Variants in GPC6 observed in about 807,000 individuals in gnomAD.
GPC6 encodes the protein glypican 6, also known as glypican-6.
GPC6 carries 14 observed loss-of-function variants against 55.2 expected under a neutral mutation model. The observed-to-expected ratio is 0.25, with a 90% CI of 0.17 to 0.40. The LOEUF (loss-of-function observed/expected upper bound fraction) is 0.40, where lower values mean the gene tolerates loss of function less well. Ranked by LOEUF, GPC6 falls within the 10% of genes least tolerant of loss-of-function variation. The pLI, the probability that GPC6 is intolerant of heterozygous loss-of-function variation, is 1.00. For synonymous variants in GPC6, 278 were observed against 259.6 expected, an observed-to-expected ratio of 1.07 and a Z score of -0.68; for missense variants, 641 against 708.5, an observed-to-expected ratio of 0.90 and a Z score of 1.08.
intron 1 of GPC6, among the ~76,000 whole-genome samples, chr13:93,314,811 T>C (rs886313944): frequency 5.3e-5 from 8 of 151,910 alleles, no homozygotes; most frequent in African/African-American, 2.4e-5. Context: ...CAGTAAATCA[T>C]TTTATAGAAG....
intron 4 of GPC6, among the ~76,000 whole-genome samples, chr13:94,065,912 TACTC>T (rs1205177185): frequency 2.6e-5 from 4 of 152,194 alleles, no homozygotes; most frequent in African/African-American, 9.7e-5. Flanking sequence ...CAGCCTGAAT[TACTC>T]ACTCAAGTAA....
chr13:93,551,970 A>G lies in GPC6; in HGVS notation c.319+6549A>G, dbSNP rs192218891. On this transcript the variant is annotated intron_variant, in intron 2 of 8. Transcript: ENST00000377047. ...GATGTTATTAATGTTATACAGATAA[A>G]TAGATGTAATATTTCTGTGGATTGT... Among the ~76,000 whole-genome samples, 186 of 152,308 alleles carry G rather than the reference A, an allele frequency of 1.2e-3. 2 individuals carry two copies. In the South Asian group the frequency reaches 0.019, roughly 16 times the overall value.
chr13:94,175,112 G>C (rs1034394697), intron 4 of GPC6, among the ~76,000 whole-genome samples: 1 of 152,022 alleles, frequency 6.6e-6, no homozygotes, highest in South Asian at 2.1e-4. Flanking sequence ...ACATTTTTCT[G>C]TCTGGCTTCT....
At chr13:94,199,423 C>T (rs1889684411) in intron 4 of GPC6, among the ~76,000 whole-genome samples, 1 of 152,148 alleles carries the variant, frequency 6.6e-6, no homozygotes, top group African/African-American at 2.4e-5. Flanking sequence ...TAACCAGCTG[C>T]TTGCACCTCC....
chr13:93,996,234 T>C (rs558022958), intron 3 of GPC6, among the ~76,000 whole-genome samples: 1 of 152,310 alleles, frequency 6.6e-6, no homozygotes, highest in South Asian at 2.1e-4. Context: ...GTAATTAAAA[T>C]TTCAAGGTGC....
rs952006485 is a variant in GPC6, at chr13:94,372,853, G to A, written c.1153-9561G>A. 2.6e-5 allele frequency among the ~76,000 whole-genome samples: 4 copies of A among 152,082 alleles called. No homozygotes were observed. The East Asian group carries it at 5.8e-4, about 22-fold the overall frequency. ...AAGAGAGCAGTGGTTCTCCCAGCAGGCAGCTGGAGATCTGAGAATGGGCAG... is the reference window on the plus strand; with the variant it reads ...AAGAGAGCAGTGGTTCTCCCAGCAGACAGCTGGAGATCTGAGAATGGGCAG... On this transcript the variant is annotated intron_variant, in intron 6 of 8. Coordinates refer to ENST00000377047, the MANE Select transcript of GPC6 (RefSeq NM_005708.5).
intron 1 of GPC6, among the ~76,000 whole-genome samples, chr13:93,351,251 AAACT>A (rs542185204): frequency 3.3e-4 from 50 of 152,336 alleles, no homozygotes; most frequent in Admixed American, 7.8e-4. Context: ...GCAGTTAAAC[AAACT>A]AAGCTAATAT....
At chr13:93,844,667 T>C (rs1888103352) in intron 3 of GPC6, among the ~76,000 whole-genome samples, 1 of 148,414 alleles carries the variant, frequency 6.7e-6, no homozygotes, top group African/African-American at 2.5e-5. Flanking sequence ...CATTTGTCAA[T>C]TTTGGCTTTT....
intron 2 of GPC6, among the ~76,000 whole-genome samples, chr13:93,651,995 T>C (rs1880439361): frequency 6.6e-6 from 1 of 152,166 alleles, no homozygotes; most frequent in Non-Finnish European, 1.5e-5. Flanking sequence ...AAATTTAAAC[T>C]TAATGGAGGA....
At chr13:93,955,734 A>G (rs1323576658) in intron 3 of GPC6, among the ~76,000 whole-genome samples, 1 of 151,946 alleles carries the variant, frequency 6.6e-6, no homozygotes, top group Admixed American at 6.6e-5. Flanking sequence ...AGTCCTCACA[A>G]TATTATTTCG....
At chr13:93,429,112 A>C (rs1416968385) in intron 1 of GPC6, among the ~76,000 whole-genome samples, 1 of 152,134 alleles carries the variant, frequency 6.6e-6, no homozygotes, top group Non-Finnish European at 1.5e-5. Context: ...TACAGATAAA[A>C]GAGGGGAAGC....
intron 1 of GPC6, among the ~76,000 whole-genome samples, chr13:93,318,499 C>G (rs573197429): frequency 6.6e-6 from 1 of 152,020 alleles, no homozygotes; most frequent in Admixed American, 6.6e-5. Context: ...ATGTTTATCT[C>G]TATACCCTCC....
intron 4 of GPC6, among the ~76,000 whole-genome samples, chr13:94,276,978 G>C (rs1028890867): frequency 6.6e-6 from 1 of 152,100 alleles, no homozygotes; most frequent in South Asian, 2.1e-4. Flanking sequence ...AAGTAAATTG[G>C]TATTTCTGGT....
At chr13:94,227,152 TACTC>T (rs1369492221) in intron 4 of GPC6, among the ~76,000 whole-genome samples, 1 of 152,210 alleles carries the variant, frequency 6.6e-6, no homozygotes, top group African/African-American at 2.4e-5. Flanking sequence ...TCTCATGTGA[TACTC>T]ACATCTGCAT....
intron 4 of GPC6, among the ~76,000 whole-genome samples, chr13:94,036,494 A>G (rs1466607858): frequency 6.6e-6 from 1 of 152,076 alleles, no homozygotes; most frequent in African/African-American, 2.4e-5. Context: ...TTTAAGAGGC[A>G]GGAATCTTCT....
At chr13:94,383,530 A>G (rs1250340171) in intron 7 of GPC6, among the ~76,000 whole-genome samples, 1 of 152,214 alleles carries the variant, frequency 6.6e-6, no homozygotes, top group African/African-American at 2.4e-5. Flanking sequence ...CAAGAGTTTG[A>G]AACCAGCCTG....
chr13:93,965,102 G>GTTTTT (rs199810123), intron 3 of GPC6, among the ~76,000 whole-genome samples: 11 of 113,334 alleles, frequency 9.7e-5, no homozygotes, highest in East Asian at 3.3e-4. Flanking sequence ...AACACTATGA[G>GTTTTT]TTTGTTTTTT....
chr13:94,343,070 G>A (rs1248095468), intron 6 of GPC6, among the ~76,000 whole-genome samples: 1 of 152,222 alleles, frequency 6.6e-6, no homozygotes, highest in Non-Finnish European at 1.5e-5. Flanking sequence ...AAGTAACACA[G>A]AAGTGATCCT....
intron 2 of GPC6, among the ~76,000 whole-genome samples, chr13:93,632,535 G>C (rs112880076): frequency 1.4e-4 from 12 of 85,304 alleles, no homozygotes; most frequent in African/African-American, 3.5e-4. Flanking sequence ...CCTGAGCCTG[G>C]GTATGTTGAG....
Sources: gnomAD v4.1 joint callset for allele counts (sites outside exome capture counted in the v4.1 genomes callset) on GRCh38, gnomAD v4.1.1 for gene constraint, MANE v1.5 for transcripts, NCBI Gene and HGNC (gene_info 2026-07-23, HGNC 2026-07-21) for gene names.